Variants in ENOPH1 observed in about 807,000 individuals in gnomAD.
ENOPH1 encodes the protein enolase-phosphatase 1, also known as enolase-phosphatase E1.
Under a neutral mutation model 31.1 loss-of-function variants are expected in ENOPH1, and 14 were observed. The ratio of observed to expected loss-of-function variants is 0.45; its 90% CI spans 0.30 to 0.70. The LOEUF is 0.70. ENOPH1 is among the 30% of genes least tolerant of loss of function. The probability of loss-of-function intolerance (pLI) is 0.09; values close to 1 mark genes in which losing one functional copy is unlikely to be tolerated. For missense variants in ENOPH1, 243 were observed against 321.5 expected (o/e 0.76, Z 1.87); for synonymous variants, 127 against 123.2 (o/e 1.03, Z -0.21).
chr4:82,433,055 T>TA (rs1448735308), intron 1 of ENOPH1, among the ~76,000 whole-genome samples: 1 of 152,216 alleles, frequency 6.6e-6, no homozygotes, highest in Non-Finnish European at 1.5e-5. Flanking sequence ...CTCATTTTTG[T>TA]AATTTATAGT....
At chr4:82,450,336 A>G (rs1722315655) in intron 2 of ENOPH1, among the ~76,000 whole-genome samples, 2 of 152,248 alleles carry the variant, frequency 1.3e-5, no homozygotes, top group African/African-American at 4.8e-5. Flanking sequence ...GAAGGAAATG[A>G]CATTACTTGA....
intron 3 of ENOPH1, among the ~76,000 whole-genome samples, chr4:82,453,058 C>T (rs1248503688): frequency 2.6e-5 from 4 of 152,008 alleles, no homozygotes; most frequent in Admixed American, 6.6e-5. Context: ...TGTGCCACCA[C>T]GCCCGGCTAA....
In ENOPH1 at chr4:82,430,806, AGTCCC is replaced by A. The variant is rs756584883; in HGVS notation, c.-21_-17del. 2 of 1,612,116 alleles carry A rather than the reference AGTCCC, an allele frequency of 1.2e-6. No homozygotes were observed. Among genetic ancestry groups the A allele is most frequent in the Non-Finnish European group, 1.7e-6 (2 of 1,178,308 alleles). ...CTCCGCCCTCCCCAACAGCAGGCCG[AGTCCC>A]GTAGCATCCGGTAGGGAAATGGTCG... is the stretch of plus-strand genomic sequence containing the variant. On this transcript the variant is annotated 5_prime_UTR_variant, in exon 1 of 6. Coordinates refer to ENST00000273920, the MANE Select transcript of ENOPH1 (RefSeq NM_021204.5).
chr4:82,436,246 C>T (rs1233239782), intron 1 of ENOPH1, among the ~76,000 whole-genome samples: 2 of 152,172 alleles, frequency 1.3e-5, no homozygotes, highest in Admixed American at 6.5e-5. Context: ...TAAACAACTG[C>T]CCCCCTCTCC....
chr4:82,455,237 A>G (rs1388420900), intron 4 of ENOPH1, among the ~76,000 whole-genome samples: 9 of 152,334 alleles, frequency 5.9e-5, no homozygotes, highest in Admixed American at 2.0e-4. Flanking sequence ...ACATTTTTAA[A>G]TGTAATAAGG....
Position 82,430,737 on chromosome 4 carries a change from A to G in ENOPH1, c.-93A>G. On this transcript the variant is annotated 5_prime_UTR_variant, in exon 1 of 6. Coordinates refer to ENST00000273920, the MANE Select transcript of ENOPH1 (RefSeq NM_021204.5). The stretch of plus-strand genomic sequence containing the variant: ...TCCGAGATCGCGCGGGGCCGCCGGA[A>G]GCCCAAGACGGTACCGGGGGCCGCA... 8.2e-7 allele frequency: 1 copy of G among 1,213,708 alleles called. No homozygotes were observed. Among genetic ancestry groups the G allele is most frequent in the Non-Finnish European group, 1.2e-6 (1 of 836,808 alleles). The allele number at this position is 1,213,708 out of a possible 1,614,324, so 75.2% of individuals were successfully genotyped here. A position where few individuals can be genotyped will look rare whatever the true frequency, so the allele number is the denominator to read the frequency against.
chr4:82,450,945 G>A (rs1197689672), intron 2 of ENOPH1, 98 bp from the exon 3 acceptor site: 1 of 922,136 alleles, frequency 1.1e-6, no homozygotes, highest in Non-Finnish European at 1.7e-6. Flanking sequence ...TAGGGCTAAT[G>A]ATGGAGAAAG....
intron 1 of ENOPH1, among the ~76,000 whole-genome samples, chr4:82,435,024 A>T (rs542393510): frequency 1.3e-5 from 2 of 152,260 alleles, no homozygotes; most frequent in African/African-American, 4.8e-5. Flanking sequence ...TTTTCCTTAG[A>T]TGTTCCCACC....
At chr4:82,459,633 A>G (rs953376492) in intron 5 of ENOPH1, among the ~76,000 whole-genome samples, 1 of 152,082 alleles carries the variant, frequency 6.6e-6, no homozygotes, top group African/African-American at 2.4e-5. Context: ...AGTTCTCGGT[A>G]TGGGCTGATG....
intron 1 of ENOPH1, among the ~76,000 whole-genome samples, chr4:82,442,673 C>T (rs544265803): frequency 6.6e-6 from 1 of 152,034 alleles, no homozygotes; most frequent in Non-Finnish European, 1.5e-5. Flanking sequence ...CCAGAGAGAA[C>T]CTTTGTAAAC....
chr4:82,448,911 A>G (rs1722268617), intron 2 of ENOPH1, among the ~76,000 whole-genome samples: 2 of 150,932 alleles, frequency 1.3e-5, no homozygotes, highest in African/African-American at 4.9e-5. Flanking sequence ...ACAAAAAATT[A>G]GCCGGGCGTA....
intron 1 of ENOPH1, among the ~76,000 whole-genome samples, chr4:82,443,459 T>C (rs972310312): frequency 1.3e-5 from 2 of 151,490 alleles, no homozygotes; most frequent in African/African-American, 4.8e-5. Context: ...CTGGGCGCGG[T>C]GGCTCACGCT....
intron 1 of ENOPH1, among the ~76,000 whole-genome samples, chr4:82,443,311 G>A (rs1414175618): frequency 5.3e-5 from 8 of 152,006 alleles, no homozygotes; most frequent in Non-Finnish European, 2.9e-5. Flanking sequence ...GGTGGCTCAC[G>A]CCTGTAGTCC....
intron 1 of ENOPH1, among the ~76,000 whole-genome samples, chr4:82,435,187 G>A (rs1413131810): frequency 6.6e-6 from 1 of 152,052 alleles, no homozygotes; most frequent in East Asian, 1.9e-4. Flanking sequence ...CCGCAACCTC[G>A]ACCTCTCAGG....
At chr4:82,443,823 G>T (rs1210356845) in intron 1 of ENOPH1, among the ~76,000 whole-genome samples, 1 of 151,790 alleles carries the variant, frequency 6.6e-6, no homozygotes, top group Non-Finnish European at 1.5e-5. Context: ...TAAATCATTT[G>T]CATTGTATAG....
intron 1 of ENOPH1, among the ~76,000 whole-genome samples, chr4:82,439,750 G>A (rs1182644857): frequency 6.6e-6 from 1 of 152,180 alleles, no homozygotes; most frequent in Non-Finnish European, 1.5e-5. Context: ...GCTTGGTGGT[G>A]GCAGTGGTGA....
At chr4:82,457,372 G>A (rs377410412) in intron 5 of ENOPH1, among the ~76,000 whole-genome samples, 4 of 152,120 alleles carry the variant, frequency 2.6e-5, no homozygotes, top group East Asian at 1.9e-4. Context: ...AAGTTAGTTG[G>A]GTATGATGGC....
intron 1 of ENOPH1, among the ~76,000 whole-genome samples, chr4:82,441,348 T>C (rs953001745): frequency 2.6e-5 from 4 of 151,964 alleles, no homozygotes; most frequent in East Asian, 1.9e-4. Context: ...GGTTGTCAGG[T>C]GTGGTGGCTC....
chr4:82,438,317 A>G (rs995164918), intron 1 of ENOPH1, among the ~76,000 whole-genome samples: 5 of 152,198 alleles, frequency 3.3e-5, no homozygotes, highest in African/African-American at 1.2e-4. Flanking sequence ...CTAGGTACAC[A>G]GTAAAGTCAT....
Sources: gnomAD v4.1 joint callset for allele counts (sites outside exome capture counted in the v4.1 genomes callset) on GRCh38, gnomAD v4.1.1 for gene constraint, MANE v1.5 for transcripts, NCBI Gene and HGNC (gene_info 2026-07-23, HGNC 2026-07-21) for gene names.